GARNL3: variants seen among roughly 807,000 people sequenced by gnomAD.
GARNL3 encodes the protein GTPase-activating Rap/Ran-GAP domain-like protein 3.
A neutral mutation model predicts 125.0 loss-of-function variants in GARNL3; 63 were observed. That is an observed-to-expected ratio of 0.50 (90% CI 0.41 to 0.62). The LOEUF is 0.62. Ranked by LOEUF, GARNL3 falls within the 20% of genes least tolerant of loss-of-function variation. GARNL3 has a pLI of 0.00. For synonymous variants in GARNL3, 439 were observed against 457.5 expected (o/e 0.96, Z 0.52); for missense variants, 994 against 1,244.0 (o/e 0.80, Z 3.02).
intron 2 of GARNL3, chr9:127,300,937 C>T (rs777398003): frequency 4.9e-5 from 10 of 204,758 alleles, no homozygotes; most frequent in Non-Finnish European, 8.0e-5. Context: ...TTCCTTAGGT[C>T]TCCTTTGCAC....
chr9:127,354,452 T>G (rs1216397696), intron 19 of GARNL3, 42 bp downstream of exon 19: 1 of 1,233,846 alleles, frequency 8.1e-7, no homozygotes, highest in Non-Finnish European at 1.2e-6. Flanking sequence ...TTCGTTTTTT[T>G]TTTTCCTCAG....
chr9:127,308,569 C>CA (rs1376505516), intron 2 of GARNL3, among the ~76,000 whole-genome samples: 1 of 151,848 alleles, frequency 6.6e-6, no homozygotes, highest in Admixed American at 6.6e-5. Context: ...TAGTGACAGT[C>CA]AAAAAATGTC....
chr9:127,344,325 G>T lies in GARNL3; in HGVS notation c.1342G>T (p.Val448Phe), dbSNP rs948813604. The part of the protein sequence containing the change: ...KKEEARQAEF[V>F]RIGQALKLKS... ...AGAGGAGGCCCGCCAGGCGGAGTTT[G>T]TTAGAATAGGGCAGGTGGGTTTTCT... Residue 448 changes from valine to phenylalanine, a missense_variant, in exon 15 of 28, where the codon GTT becomes TTT. By Grantham distance (50) the Val-to-Phe change is conservative. Around this residue, in one of 5 missense-constraint regions of GARNL3, gnomAD observed 728 missense variants for 865.7 expected, o/e 0.84. Coordinates refer to ENST00000373387, the MANE Select transcript of GARNL3 (RefSeq NM_032293.5). 1.9e-6 allele frequency: 3 copies of T among 1,612,742 alleles called. No homozygotes were observed. The highest frequency in any genetic ancestry group is 8.5e-7 in the Non-Finnish European group (1 of 1,178,686).
Position 127,227,025 on chromosome 9 carries a change from A to G in GARNL3, c.-29+2687A>G, listed in dbSNP as rs559930275. The stretch of plus-strand genomic sequence containing the variant: ...GCACCTGTGGCCATGCAGCACTTGT[A>G]ATGTGGCTAGTTGAGCTAAGGAACT... On this transcript the variant is annotated intron_variant, in intron 1 of 10. Coordinates refer to the GARNL3 transcript ENST00000439286. Among the ~76,000 whole-genome samples the G allele has an allele frequency of 5.3e-5, 8 of 152,352 alleles. No homozygotes were observed. The East Asian group carries it at 1.5e-3, about 29-fold the overall frequency.
At chr9:127,277,052 A>G (rs998396540) in intron 1 of GARNL3, among the ~76,000 whole-genome samples, 3 of 152,180 alleles carry the variant, frequency 2.0e-5, no homozygotes, top group Admixed American at 1.3e-4. Flanking sequence ...AAGATCCATG[A>G]TCTTGCTGCT....
At chr9:127,300,185 C>A in intron 2 of GARNL3, 1 of 328,618 alleles carries the variant, frequency 3.0e-6, no homozygotes, top group South Asian at 3.2e-5. Flanking sequence ...GTAAAGTCTT[C>A]CTGAATGATA....
chr9:127,336,326 G>T, intron 11 of GARNL3, 90 bp downstream of exon 11: 2 of 820,704 alleles, frequency 2.4e-6, no homozygotes, highest in Non-Finnish European at 3.9e-6. Flanking sequence ...ATCTTGTCAT[G>T]GACTTGTTTT....
chr9:127,297,495 A>G (rs1365166367), intron 2 of GARNL3, among the ~76,000 whole-genome samples: 1 of 151,980 alleles, frequency 6.6e-6, no homozygotes, highest in Non-Finnish European at 1.5e-5. Context: ...TTAATCCTAC[A>G]TTTTCCTATA....
At chr9:127,365,237 T>G (rs1296741607) in intron 21 of GARNL3, 63 bp from the exon 22 acceptor site, 3 of 1,413,902 alleles carry the variant, frequency 2.1e-6, no homozygotes, top group Non-Finnish European at 3.0e-6. Flanking sequence ...TCACAACTTG[T>G]AAAAGTCTTT....
rs747931733 is a variant in GARNL3, at chr9:127,243,114, C to T, written c.8C>T (p.Pro3Leu). ...CAGCCTCCAGGCCCACTGATGGACC[C>T]GTTAACGAAGGTGCCTTGTGGGAGT... is the stretch of plus-strand genomic sequence containing the variant. The change falls in exon 2 of 11, where the codon CCG becomes CTG. Residue 3 changes from proline (P) to leucine (L), a missense_variant. Coordinates refer to the GARNL3 transcript ENST00000439286. The T allele has an allele frequency of 8.1e-6, 11 of 1,363,938 alleles. No individual in the cohort carries two copies. In the East Asian group the frequency reaches 2.7e-4, roughly 34 times the overall value. The allele number at this position is 1,363,938 out of a possible 1,614,324, so 84.5% of individuals were successfully genotyped here.
At chr9:127,337,732 A>G (rs1055482265) in intron 11 of GARNL3, among the ~76,000 whole-genome samples, 1 of 152,248 alleles carries the variant, frequency 6.6e-6, no homozygotes, top group Non-Finnish European at 1.5e-5. Flanking sequence ...TTCCCTTTCC[A>G]AATGTGTGAG....
At chr9:127,370,683 C>T (rs79100197) in intron 22 of GARNL3, among the ~76,000 whole-genome samples, 2,332 of 152,328 alleles carry the variant, frequency 0.015, 50 homozygotes, top group East Asian at 0.052. Flanking sequence ...CCTTCTCTCC[C>T]AGCTTCTGTC....
At chr9:127,258,441 A>G (rs1444256779) in intron 2 of GARNL3, among the ~76,000 whole-genome samples, 1 of 152,060 alleles carries the variant, frequency 6.6e-6, no homozygotes, top group Non-Finnish European at 1.5e-5. Flanking sequence ...GGAGTTTGAG[A>G]CCAACCAGGA....
chr9:127,365,201 C>A, intron 21 of GARNL3, 99 bp from the exon 22 acceptor site: 1 of 967,422 alleles, frequency 1.0e-6, no homozygotes, highest in Non-Finnish European at 1.7e-6. Context: ...ACCTGCATGA[C>A]AGAGGGCCTC....
chr9:127,324,415 G>C (rs1367920153), intron 6 of GARNL3, among the ~76,000 whole-genome samples: 2 of 152,146 alleles, frequency 1.3e-5, no homozygotes, highest in Non-Finnish European at 2.9e-5. Flanking sequence ...TCTTGGGCCA[G>C]AAGGAGGATG....
chr9:127,297,024 A>G (rs2064620364), intron 2 of GARNL3, among the ~76,000 whole-genome samples: 1 of 152,038 alleles, frequency 6.6e-6, no homozygotes, highest in Admixed American at 6.5e-5. Context: ...AAGACCAAAT[A>G]CGTATTCCCA....
chr9:127,350,733 AG>A (rs1179707173), intron 17 of GARNL3, among the ~76,000 whole-genome samples: 1 of 151,976 alleles, frequency 6.6e-6, no homozygotes, highest in Non-Finnish European at 1.5e-5. Context: ...CCAAGATCGC[AG>A]CACTGCACTC....
upstream of GARNL3, among the ~76,000 whole-genome samples, chr9:127,261,250 C>CT (rs1391484214): frequency 6.6e-6 from 1 of 151,742 alleles, no homozygotes; most frequent in African/African-American, 2.4e-5. Flanking sequence ...GAGCGAAACT[C>CT]TGTCTCAAAA....
intron 1 of GARNL3, among the ~76,000 whole-genome samples, chr9:127,233,994 C>T (rs1339529031): frequency 2.0e-5 from 3 of 151,886 alleles, no homozygotes; most frequent in African/African-American, 4.8e-5. Flanking sequence ...CTCTGTGTTC[C>T]GTTATTACTT....
Sources: gnomAD v4.1 joint callset for allele counts (sites outside exome capture counted in the v4.1 genomes callset) on GRCh38, gnomAD v4.1.1 for gene constraint, gnomAD v4.1.1 regional missense constraint, MANE v1.5 for transcripts, NCBI Gene and HGNC (gene_info 2026-07-23, HGNC 2026-07-21) for gene names.